NFATC1: variants seen among roughly 807,000 people sequenced by gnomAD.
NFATC1 encodes the protein nuclear factor of activated T cells 1, also known as nuclear factor of activated T-cells, cytoplasmic 1.
A neutral mutation model predicts 76.0 loss-of-function variants in NFATC1; 22 were observed. The ratio of observed to expected loss-of-function variants is 0.29; its 90% CI spans 0.21 to 0.41. The LOEUF is 0.41. Among genes scored for constraint, NFATC1 ranks in the 10% least tolerant of loss-of-function variants. NFATC1 has a pLI of 1.00. For synonymous variants in NFATC1, 704 were observed against 613.1 expected (o/e 1.15, Z -2.19); for missense variants, 1,357 against 1,337.7 (o/e 1.01, Z -0.23).
intron 2 of NFATC1, among the ~76,000 whole-genome samples, chr18:79,412,078 A>G (rs304932): frequency 0.51 from 78,087 of 152,188 alleles, 22,269 homozygotes; most frequent in African/African-American, 0.77. Flanking sequence ...CCTGCTCCCC[A>G]GAGACGCCGG....
At chr18:79,478,407 G>A (rs1310999444) in intron 8 of NFATC1, among the ~76,000 whole-genome samples, 1 of 152,126 alleles carries the variant, frequency 6.6e-6, no homozygotes, top group African/African-American at 2.4e-5. Flanking sequence ...GGGCCATTAA[G>A]AGCTGTGATG....
intron 9 of NFATC1, among the ~76,000 whole-genome samples, chr18:79,499,318 A>G (rs894687793): frequency 6.7e-6 from 1 of 150,306 alleles, no homozygotes; most frequent in Non-Finnish European, 1.5e-5. Flanking sequence ...TCTCCAGAGG[A>G]ACCACTAAGA....
chr18:79,400,601 C>A (rs62096871), intron 1 of NFATC1: 787,508 of 864,888 alleles, frequency 0.91, 359,052 homozygotes, highest in East Asian at 1. Flanking sequence ...CGCCCGGGAC[C>A]GAGGGGCTAC....
At chr18:79,456,545 C>T (rs577422644) in intron 6 of NFATC1, among the ~76,000 whole-genome samples, 8 of 152,258 alleles carry the variant, frequency 5.3e-5, no homozygotes, top group Non-Finnish European at 1.0e-4. Context: ...GCTGCCCCTG[C>T]TCCTTGTTTT....
intron 8 of NFATC1, among the ~76,000 whole-genome samples, chr18:79,482,435 G>C (rs1440512843): frequency 2.5e-5 from 3 of 120,846 alleles, no homozygotes; most frequent in African/African-American, 3.2e-5. Flanking sequence ...GCGTGACCTG[G>C]TCCTGGGGTG....
rs187458826 is a variant in NFATC1 at position 79,492,098 on chromosome 18, A to G, written c.2782+5161A>G. Among the ~76,000 whole-genome samples the G allele has an allele frequency of 2.2e-4, 33 of 152,324 alleles. 1 individual carries two copies. In the East Asian group the frequency reaches 4.6e-3, roughly 21 times the overall value. ...TCCAGGAATGTGGAGTTAAAAGGCA[A>G]TAAGAGAATAGTGTCCAGTTGCAGA... On this transcript the variant is annotated intron_variant, in intron 9 of 9. Transcript: ENST00000427363.
At chr18:79,499,613 G>C (rs1239444307) in intron 9 of NFATC1, among the ~76,000 whole-genome samples, 1 of 152,114 alleles carries the variant, frequency 6.6e-6, no homozygotes, top group Non-Finnish European at 1.5e-5. Context: ...ATGAAACAGG[G>C]TACAACCATA....
At chr18:79,413,548 G>T (rs1010358127) in intron 2 of NFATC1, among the ~76,000 whole-genome samples, 7 of 152,186 alleles carry the variant, frequency 4.6e-5, no homozygotes, top group African/African-American at 1.7e-4. Context: ...CACCCTGGTG[G>T]CCTCATTTGA....
intron 9 of NFATC1, among the ~76,000 whole-genome samples, chr18:79,519,521 A>T (rs2090462705): frequency 6.6e-6 from 1 of 151,074 alleles, no homozygotes; most frequent in Non-Finnish European, 1.5e-5. Context: ...GTTTGTAGAG[A>T]TGGGGGGTGG....
intron 1 of NFATC1, among the ~76,000 whole-genome samples, chr18:79,403,161 C>T (rs772755439): frequency 2.0e-4 from 31 of 152,242 alleles, no homozygotes; most frequent in South Asian, 8.3e-4. Flanking sequence ...TGGCCCACGC[C>T]GCTGTGGCCC....
intron 8 of NFATC1, among the ~76,000 whole-genome samples, chr18:79,478,802 C>T (rs2089174429): frequency 6.6e-6 from 1 of 152,194 alleles, no homozygotes; most frequent in Non-Finnish European, 1.5e-5. Flanking sequence ...GCTACCGAGG[C>T]AGAGACTCTG....
chr18:79,411,438 C>T lies in NFATC1; in HGVS notation c.1163C>T (p.Ala388Val), dbSNP rs199736877. 2.0e-5 allele frequency: 31 copies of T among 1,517,506 alleles called. No homozygotes were observed. In the Middle Eastern group the frequency reaches 5.4e-4, roughly 27 times the overall value. The allele number at this position is 1,517,506 out of a possible 1,614,324, so 94.0% of individuals were successfully genotyped here. A position where few individuals can be genotyped will look rare whatever the true frequency, so the allele number is the denominator to read the frequency against. The change falls in exon 2 of 10, where the codon GCG (alanine) becomes GTG (valine). Residue 388 changes from alanine (A) to valine (V), a missense_variant. Around this residue, in one of 3 missense-constraint regions of NFATC1, gnomAD observed 691 missense variants for 613.1 expected, o/e 1.13. Coordinates refer to ENST00000427363, the MANE Select transcript of NFATC1 (RefSeq NM_001278669.2). ...RKGGFCDQYL[A>V]VPQHPYQWAK... ...GGCGGCTTCTGCGACCAGTACCTGGCGGTGCCGCAGCACCCCTACCAGTGG... is the reference window on the plus strand; with the variant it reads ...GGCGGCTTCTGCGACCAGTACCTGGTGGTGCCGCAGCACCCCTACCAGTGG...
intron 8 of NFATC1, among the ~76,000 whole-genome samples, chr18:79,485,313 C>G (rs191303406): frequency 6.6e-6 from 1 of 152,222 alleles, no homozygotes; most frequent in Non-Finnish European, 1.5e-5. Context: ...AATGTATGTG[C>G]GCCATTGTGA....
intron 8 of NFATC1, among the ~76,000 whole-genome samples, chr18:79,479,148 C>T (rs2145012014): frequency 6.6e-6 from 1 of 152,386 alleles, no homozygotes; most frequent in East Asian, 1.9e-4. Context: ...TTCATAAACT[C>T]ACCCTCAGGT....
At chr18:79,495,360 A>G (rs892517977) in intron 9 of NFATC1, among the ~76,000 whole-genome samples, 2 of 152,232 alleles carry the variant, frequency 1.3e-5, no homozygotes, top group African/African-American at 2.4e-5. Context: ...TTTGAATTCT[A>G]TGCTGTTTCT....
chr18:79,397,321 G>T (rs539487997), intron 1 of NFATC1, among the ~76,000 whole-genome samples: 1 of 152,344 alleles, frequency 6.6e-6, no homozygotes, highest in African/African-American at 2.4e-5. Flanking sequence ...TTTAAAGAGC[G>T]CCAGCACACC....
intron 8 of NFATC1, among the ~76,000 whole-genome samples, chr18:79,481,623 C>T (rs892575664): frequency 4.6e-5 from 7 of 152,364 alleles, no homozygotes; most frequent in African/African-American, 1.4e-4. Flanking sequence ...GCTGCCAAGG[C>T]CTGTGCACCT....
chr18:79,428,550 G>T (rs1004148), intron 2 of NFATC1, among the ~76,000 whole-genome samples: 37 of 152,118 alleles, frequency 2.4e-4, no homozygotes, highest in African/African-American at 8.9e-4. Flanking sequence ...GGATGTTTGC[G>T]TTGCCAGCGT....
intron 9 of NFATC1, among the ~76,000 whole-genome samples, chr18:79,519,565 T>C (rs769066184): frequency 2.0e-5 from 3 of 152,164 alleles, no homozygotes; most frequent in Non-Finnish European, 4.4e-5. Flanking sequence ...TCTTGAACTT[T>C]TGGCCTCAAG....
Sources: allele counts gnomAD v4.1 joint callset (sites outside exome capture counted in the v4.1 genomes callset), GRCh38; gene constraint gnomAD v4.1.1; regional missense constraint gnomAD v4.1.1; transcripts MANE v1.5; gene names NCBI Gene and HGNC (gene_info 2026-07-23, HGNC 2026-07-21).